Variants in SFT2D2 observed in about 807,000 individuals in gnomAD.
The protein encoded by SFT2D2 is vesicle transport protein SFT2B.
A neutral mutation model predicts 27.4 loss-of-function variants in SFT2D2; 21 were observed. The observed-to-expected ratio is 0.77, with a 90% CI of 0.54 to 1.10. SFT2D2 has a LOEUF of 1.10. Ranked by LOEUF, SFT2D2 falls within the 50% of genes least tolerant of loss-of-function variation. The pLI is 0.00. For synonymous variants in SFT2D2, 72 were observed against 71.7 expected (o/e 1.00, Z -0.02); for missense variants, 187 against 194.2 (o/e 0.96, Z 0.22).
intron 3 of SFT2D2, 55 bp from the exon 4 acceptor site, chr1:168,235,046 T>C (rs1647452387): frequency 6.7e-7 from 1 of 1,485,216 alleles, no homozygotes; most frequent in Non-Finnish European, 9.4e-7. Context: ...GGCGACTCAG[T>C]GTGCCTAGTG....
At chr1:168,239,209 G>A in intron 7 of SFT2D2, 49 bp downstream of exon 7, 3 of 1,436,936 alleles carry the variant, frequency 2.1e-6, no homozygotes, top group Non-Finnish European at 2.9e-6. Context: ...TTAATTCAGA[G>A]TCTGCTTTCA....
At position 168,247,189 on chromosome 1, in the gene SFT2D2, G is replaced by T; in HGVS notation, c.*4649G>T. 1.2e-5 allele frequency: 3 copies of T among 255,818 alleles called. No homozygotes were observed. Among genetic ancestry groups the T allele is most frequent in the Non-Finnish European group, 1.6e-5 (2 of 126,310 alleles). The allele number at this position is 255,818 out of a possible 1,614,324, so 15.8% of individuals were successfully genotyped here. On this transcript the variant is annotated 3_prime_UTR_variant, in exon 8 of 8. Coordinates refer to ENST00000271375, the MANE Select transcript of SFT2D2 (RefSeq NM_199344.3). Reference sequence around the variant, plus strand: ...CACTGATCTTTTACATAAATAAACTGCATTTTTAATTTTCTTTTTTTATAT... The same window carrying T: ...CACTGATCTTTTACATAAATAAACTTCATTTTTAATTTTCTTTTTTTATAT...
intron 1 of SFT2D2, among the ~76,000 whole-genome samples, chr1:168,230,848 G>A (rs1440756632): frequency 6.6e-6 from 1 of 152,096 alleles, no homozygotes; most frequent in African/African-American, 2.4e-5. Context: ...AGTGTTTTTG[G>A]AACTCCTGGC....
chr1:168,241,833 C>T (rs781207536), intron 7 of SFT2D2, among the ~76,000 whole-genome samples: 19 of 152,184 alleles, frequency 1.2e-4, no homozygotes, highest in Non-Finnish European at 2.1e-4. Context: ...TCACCTCTCC[C>T]TCCCTTATGT....
rs1454846529 is a variant in SFT2D2 at position 168,250,613 on chromosome 1, A to T, written c.*8073A>T. 1 of 153,168 alleles carries T rather than the reference A, an allele frequency of 6.5e-6. No homozygotes were observed. The highest frequency in any genetic ancestry group is 1.5e-5 in the Non-Finnish European group (1 of 68,940). 9.5% of individuals were successfully genotyped at this position (153,168 alleles called of 1,614,324 possible). A position where few individuals can be genotyped will look rare whatever the true frequency, so the allele number is the denominator to read the frequency against. Reference sequence around the variant, plus strand: ...TCTTGGGAGGAGCACTGCCCTTCAGAACAGAAGAGATGGCTTCCAGTCCCC... The same window carrying T: ...TCTTGGGAGGAGCACTGCCCTTCAGTACAGAAGAGATGGCTTCCAGTCCCC... On this transcript the variant is annotated 3_prime_UTR_variant, in exon 8 of 8. Transcript: ENST00000271375.
intron 1 of SFT2D2, among the ~76,000 whole-genome samples, chr1:168,230,559 C>T (rs555682992): frequency 3.8e-4 from 58 of 152,084 alleles, no homozygotes; most frequent in Non-Finnish European, 7.4e-4. Flanking sequence ...CTGCAACCTC[C>T]ACCTCCCAGG....
At position 168,241,238 on chromosome 1, in the gene SFT2D2, C is replaced by T. The variant is rs1269440414; in HGVS notation, c.444-1263C>T. On this transcript the variant is annotated intron_variant, in intron 7 of 7. Coordinates refer to ENST00000271375, the MANE Select transcript of SFT2D2 (RefSeq NM_199344.3). ...TTTTTTTTTTTTTGAGATGGAGTCT[C>T]ACTCTATGGCCCAGGCTGGAGTGCA... Among the ~76,000 whole-genome samples, 6 of 112,846 alleles carry T rather than the reference C, an allele frequency of 5.3e-5. 1 individual carries two copies. The highest frequency in any genetic ancestry group is 1.2e-4 in the Admixed American group (1 of 8,500). 74.0% of individuals were successfully genotyped at this position (112,846 alleles called of 152,430 possible). A position where few individuals can be genotyped will look rare whatever the true frequency, so the allele number is the denominator to read the frequency against.
Position 168,246,813 on chromosome 1 carries a change from G to A in SFT2D2, c.*4273G>A, listed in dbSNP as rs773095093. The A allele has an allele frequency of 8.9e-6, 6 of 676,386 alleles. No homozygotes were observed. Among genetic ancestry groups the A allele is most frequent in the South Asian group, 1.4e-5 (1 of 69,624 alleles). The allele number at this position is 676,386 out of a possible 1,614,324, so 41.9% of individuals were successfully genotyped here. On this transcript the variant is annotated 3_prime_UTR_variant, in exon 8 of 8. Transcript: ENST00000271375. ...AAGCTGTCCACTATAATGGGCTATC[G>A]TTTTTGTTGATTTTTCCCCATTCTG... is the stretch of plus-strand genomic sequence containing the variant.
rs536814433 is a variant in SFT2D2 at position 168,249,206 on chromosome 1, G to T, written c.*6666G>T. ...TTTTAGATCTTTCCTGCTTTCTCTTGTGGGCATTTAGTGCTATAAATTTCC... is the reference window on the plus strand; with the variant it reads ...TTTTAGATCTTTCCTGCTTTCTCTTTTGGGCATTTAGTGCTATAAATTTCC... On this transcript the variant is annotated 3_prime_UTR_variant, in exon 8 of 8. Coordinates refer to ENST00000271375, the MANE Select transcript of SFT2D2 (RefSeq NM_199344.3). The T allele has an allele frequency of 6.6e-6, 1 of 152,154 alleles. No individual in the cohort carries two copies. The highest frequency in any genetic ancestry group is 1.9e-4 in the East Asian group (1 of 5,174). The allele number at this position is 152,154 out of a possible 1,614,324, so 9.4% of individuals were successfully genotyped here. A position where few individuals can be genotyped will look rare whatever the true frequency, so the allele number is the denominator to read the frequency against.
intron 7 of SFT2D2, among the ~76,000 whole-genome samples, chr1:168,240,002 C>T (rs933043381): frequency 3.3e-5 from 5 of 151,770 alleles, no homozygotes; most frequent in East Asian, 1.9e-4. Flanking sequence ...AGTGAAACCC[C>T]GTCTCTACTG....
intron 1 of SFT2D2, among the ~76,000 whole-genome samples, chr1:168,228,950 C>G (rs943795811): frequency 1.3e-5 from 2 of 152,248 alleles, no homozygotes; most frequent in Non-Finnish European, 2.9e-5. Context: ...TTTGCTTTCA[C>G]TGAGTCCAGT....
intron 7 of SFT2D2, among the ~76,000 whole-genome samples, chr1:168,239,949 G>A (rs1039829689): frequency 1.3e-5 from 2 of 151,892 alleles, no homozygotes; most frequent in African/African-American, 4.8e-5. Context: ...GCCGAGGCGG[G>A]TGGATCCTGC....
At chr1:168,229,500 T>TA (rs1464407338) in intron 1 of SFT2D2, 1 of 152,344 alleles carries the variant, frequency 6.6e-6, no homozygotes, top group African/African-American at 2.4e-5. Flanking sequence ...CCAATCTTAC[T>TA]ACCACTTTTT....
In SFT2D2 at chr1:168,249,238, A is replaced by G. The variant is rs1444096712; in HGVS notation, c.*6698A>G. 6.6e-6 allele frequency: 1 copy of G among 152,116 alleles called. No individual in the cohort carries two copies. The allele number at this position is 152,116 out of a possible 1,614,324, so 9.4% of individuals were successfully genotyped here. ...TTTAGTGCTATAAATTTCCCTCTAC[A>G]CACTGCTTTAATTTTGAAATGGAGT... On this transcript the variant is annotated 3_prime_UTR_variant, in exon 8 of 8. Coordinates refer to ENST00000271375, the MANE Select transcript of SFT2D2 (RefSeq NM_199344.3).
chr1:168,239,063 C>T (rs375226598), intron 6 of SFT2D2, 68 bp from the exon 7 acceptor site: 27 of 1,173,220 alleles, frequency 2.3e-5, no homozygotes, highest in Middle Eastern at 1.9e-4. Flanking sequence ...AGCTCAGAAG[C>T]CCATTCTGCT....
intron 7 of SFT2D2, among the ~76,000 whole-genome samples, chr1:168,240,421 G>T (rs898847219): frequency 2.6e-5 from 4 of 152,134 alleles, no homozygotes; most frequent in African/African-American, 7.2e-5. Flanking sequence ...TGGTTTTGGG[G>T]CCTGGTGGCT....
At chr1:168,235,575 T>C (rs533877109) in intron 4 of SFT2D2, among the ~76,000 whole-genome samples, 1 of 152,346 alleles carries the variant, frequency 6.6e-6, no homozygotes, top group African/African-American at 2.4e-5. Flanking sequence ...TCCTGTCTTA[T>C]AGAATGGCCT....
chr1:168,227,647 A>G (rs1309011667), intron 1 of SFT2D2, among the ~76,000 whole-genome samples: 4 of 151,786 alleles, frequency 2.6e-5, no homozygotes, highest in Non-Finnish European at 5.9e-5. Flanking sequence ...CTTGATTTCT[A>G]GCCTCTATTA....
chr1:168,227,148 C>T lies in SFT2D2; in HGVS notation c.63+1006C>T, dbSNP rs143199117. Among the ~76,000 whole-genome samples, 952 of 152,310 alleles carry T rather than the reference C, an allele frequency of 6.3e-3. 7 individuals are homozygous for T. The highest frequency in any genetic ancestry group is 0.02 in the African/African-American group (851 of 41,564). ...TAGAAAAGTTTTGATCGTGCTGAAA[C>T]CTGGCCACTAATGTCCTATGTTGTA... On this transcript the variant is annotated intron_variant, in intron 1 of 7. Coordinates refer to ENST00000271375, the MANE Select transcript of SFT2D2 (RefSeq NM_199344.3).
Sources: gnomAD v4.1 joint callset for allele counts (sites outside exome capture counted in the v4.1 genomes callset) on GRCh38, gnomAD v4.1.1 for gene constraint, MANE v1.5 for transcripts, NCBI Gene and HGNC (gene_info 2026-07-23, HGNC 2026-07-21) for gene names.